MYO5A: variants seen among roughly 807,000 people sequenced by gnomAD.
The protein encoded by MYO5A is myosin VA, also known as unconventional myosin-Va.
A neutral mutation model predicts 249.7 loss-of-function variants in MYO5A; 98 were observed. The ratio of observed to expected loss-of-function variants is 0.39; its 90% confidence interval spans 0.33 to 0.46. MYO5A has a LOEUF of 0.46. Ranked by LOEUF, MYO5A falls within the 20% of genes least tolerant of loss-of-function variation. MYO5A has a pLI of 0.98. For missense variants in MYO5A, 1,696 were observed against 2,308.8 expected (o/e 0.73, Z 5.44); for synonymous variants, 778 against 810.6 (o/e 0.96, Z 0.68).
chr15:52,384,144 C>T lies in MYO5A; in HGVS notation c.1914+17G>A. 1 of 1,613,966 alleles carries T rather than the reference C, an allele frequency of 6.2e-7. No homozygotes were observed. Among genetic ancestry groups the T allele is most frequent in the Non-Finnish European group, 8.5e-7 (1 of 1,179,952 alleles). On this transcript the variant is annotated intron_variant, in intron 15 of 41. Transcript: ENST00000399233. The stretch of plus-strand genomic sequence containing the variant: ...CAGAAAGGAAGGAGCGTGGCAGCGG[C>T]AGCTCCCTGAACTCACCTGATGCCC...
chr15:52,490,504 G>A (rs879793851), intron 1 of MYO5A, among the ~76,000 whole-genome samples: 3 of 152,118 alleles, frequency 2.0e-5, no homozygotes, highest in Non-Finnish European at 2.9e-5. Context: ...AGGACATTAC[G>A]CCATATGAAA....
intron 1 of MYO5A, among the ~76,000 whole-genome samples, chr15:52,456,716 T>C (rs766748163): frequency 6.6e-6 from 1 of 152,012 alleles, no homozygotes; most frequent in Admixed American, 6.6e-5. Context: ...TACGTACAAT[T>C]GGGAAGGACA....
intron 36 of MYO5A, among the ~76,000 whole-genome samples, chr15:52,326,534 G>A (rs971155291): frequency 6.6e-6 from 1 of 152,082 alleles, no homozygotes; most frequent in African/African-American, 2.4e-5. Flanking sequence ...TCAAAAGTTC[G>A]CTCCCCAGGG....
At chr15:52,415,555 G>A (rs865951068) in intron 5 of MYO5A, among the ~76,000 whole-genome samples, 1 of 151,936 alleles carries the variant, frequency 6.6e-6, no homozygotes, top group African/African-American at 2.4e-5. Flanking sequence ...GCTGTGTTAT[G>A]TGCTTGACAG....
chr15:52,313,731 C>T lies in MYO5A; in HGVS notation c.5608G>A (p.Ala1870Thr). 3.7e-6 allele frequency: 6 copies of T among 1,614,106 alleles called. No individual in the cohort carries two copies. Among genetic ancestry groups the T allele is most frequent in the Non-Finnish European group, 5.1e-6 (6 of 1,180,036 alleles). ...SLALETIQIP[A>T]SLGLGFISRV ...GAAATGAAGCCCAGGCCGAGGCTGG[C>T]TGGAATCTGGATGGTTTCTAGTGCG... Residue 1870 changes from alanine (A) to threonine (T), a missense_variant, in exon 42 of 42, where the codon GCC (alanine) becomes ACC (threonine). Physicochemically the swap from Ala to Thr is moderately conservative, Grantham distance 58 (BLOSUM62 0). This residue lies in a region of MYO5A where 625 missense variants were observed against 908.1 expected (regional missense o/e 0.69). Transcript: ENST00000399233.
intron 1 of MYO5A, among the ~76,000 whole-genome samples, chr15:52,478,112 C>T (rs1001049110): frequency 1.2e-4 from 18 of 152,216 alleles, no homozygotes; most frequent in Middle Eastern, 3.2e-3. Context: ...TCCGCAATGG[C>T]GGGCACCCCT....
intron 35 of MYO5A, 109 bp downstream of exon 35, chr15:52,330,244 T>G: frequency 7.2e-7 from 1 of 1,397,500 alleles, no homozygotes; most frequent in Non-Finnish European, 1.0e-6. Flanking sequence ...TGGTATCTGA[T>G]GATGACTAAT....
chr15:52,316,988 T>A, intron 40 of MYO5A, 60 bp downstream of exon 40: 1 of 1,536,864 alleles, frequency 6.5e-7, no homozygotes, highest in Non-Finnish European at 9.0e-7. Context: ...CTTCTTTACT[T>A]CCCTAAAGAT....
intron 27 of MYO5A, among the ~76,000 whole-genome samples, chr15:52,352,580 G>C (rs2040008657): frequency 6.6e-6 from 1 of 152,082 alleles, no homozygotes; most frequent in South Asian, 2.1e-4. Flanking sequence ...AGGAGATCGA[G>C]ACCATCCTGG....
At position 52,387,958 on chromosome 15, in the gene MYO5A, T is replaced by C; in HGVS notation, c.1669-46A>G. The C allele has an allele frequency of 1.5e-6, 2 of 1,295,488 alleles. 1 individual carries two copies. The highest frequency in any genetic ancestry group is 3.9e-4 in the Middle Eastern group (2 of 5,124). The allele number at this position is 1,295,488 out of a possible 1,614,324, so 80.2% of individuals were successfully genotyped here. A position where few individuals can be genotyped will look rare whatever the true frequency, so the allele number is the denominator to read the frequency against. On this transcript the variant is annotated intron_variant, in intron 13 of 41. Coordinates refer to ENST00000399233, the MANE Select transcript of MYO5A (RefSeq NM_001382347.1). ...CTCCTTAACTGATAAAACTTTTGAA[T>C]AGATATTATAATCATCAATAATAAG...
At chr15:52,385,576 AT>A (rs768015184) in intron 14 of MYO5A, among the ~76,000 whole-genome samples, 2 of 151,436 alleles carry the variant, frequency 1.3e-5, no homozygotes, top group African/African-American at 4.9e-5. Flanking sequence ...ATATATATAT[AT>A]TTTTTTAAAC....
chr15:52,499,959 G>A (rs890340296), intron 1 of MYO5A, among the ~76,000 whole-genome samples: 5 of 152,132 alleles, frequency 3.3e-5, no homozygotes, highest in Non-Finnish European at 5.9e-5. Flanking sequence ...AAGGCAGGGG[G>A]ATCGCTTGGG....
chr15:52,472,427 G>C (rs1424416146), intron 1 of MYO5A, among the ~76,000 whole-genome samples: 1 of 151,914 alleles, frequency 6.6e-6, no homozygotes, highest in Non-Finnish European at 1.5e-5. Context: ...TAAGTTCTAG[G>C]GTACATGTGC....
At chr15:52,422,443 T>G (rs2075301367) in intron 4 of MYO5A, among the ~76,000 whole-genome samples, 1 of 152,194 alleles carries the variant, frequency 6.6e-6, no homozygotes, top group Non-Finnish European at 1.5e-5. Context: ...TCCTGCCATC[T>G]TCTACATCTC....
intron 1 of MYO5A, among the ~76,000 whole-genome samples, chr15:52,465,342 G>A (rs2076331526): frequency 6.6e-6 from 1 of 152,084 alleles, no homozygotes; most frequent in Admixed American, 6.5e-5. Context: ...CTTAATTTTA[G>A]CCGAGAAAAG....
At chr15:52,437,730 C>A (rs1007340370) in intron 1 of MYO5A, among the ~76,000 whole-genome samples, 6 of 151,814 alleles carry the variant, frequency 4.0e-5, no homozygotes, top group African/African-American at 1.4e-4. Flanking sequence ...AGTGCCTAAA[C>A]ATGAGGAGAC....
Position 52,388,605 on chromosome 15 carries a change from T to C in MYO5A, c.1668+633A>G, listed in dbSNP as rs543308731. On this transcript the variant is annotated intron_variant, in intron 13 of 41. Transcript: ENST00000399233. ...TGTGAAACTTACCCCAAAGCCTACA[T>C]CACAGTCTCCTTGAAATATAAATTA... 5.3e-5 allele frequency among the ~76,000 whole-genome samples: 8 copies of C among 152,312 alleles called. No individual in the cohort carries two copies. The South Asian group carries it at 1.0e-3, about 20-fold the overall frequency.
At chr15:52,381,671 CTT>C (rs1182477610) in intron 16 of MYO5A, among the ~76,000 whole-genome samples, 1 of 152,080 alleles carries the variant, frequency 6.6e-6, no homozygotes, top group Admixed American at 6.5e-5. Flanking sequence ...GATTATGTGA[CTT>C]TTTACTTACC....
chr15:52,500,366 GAT>G (rs1595799933), intron 1 of MYO5A, among the ~76,000 whole-genome samples: 2 of 129,340 alleles, frequency 1.5e-5, no homozygotes, highest in East Asian at 4.3e-4. Flanking sequence ...TTTTTTTTGA[GAT>G]GGAGTTTCGC....
Sources: gnomAD v4.1 joint callset for allele counts (sites outside exome capture counted in the v4.1 genomes callset) on GRCh38, gnomAD v4.1.1 for gene constraint, gnomAD v4.1.1 regional missense constraint, MANE v1.5 for transcripts, NCBI Gene and HGNC (gene_info 2026-07-23, HGNC 2026-07-21) for gene names.